The following DSE variants were observed in gnomAD, a reference collection of about 807,000 sequenced individuals.
DSE encodes the protein dermatan sulfate epimerase.
In DSE, 36 loss-of-function variants were observed where a neutral mutation model predicts 84.4. The observed-to-expected ratio is 0.43, with a 90% confidence interval of 0.33 to 0.56. The LOEUF is 0.56. Among genes scored for constraint, DSE ranks in the 20% least tolerant of loss-of-function variants. DSE has a pLI of 0.06. For synonymous variants in DSE, 410 were observed against 430.1 expected (o/e 0.95, Z 0.58); for missense variants, 862 against 1,169.6 (o/e 0.74, Z 3.84).
intron 2 of DSE, among the ~76,000 whole-genome samples, chr6:116,304,182 G>A (rs1301800110): frequency 6.6e-6 from 1 of 151,710 alleles, no homozygotes; most frequent in South Asian, 2.1e-4. Context: ...GGGAAACGAA[G>A]GTCTCCTTAG....
intron 2 of DSE, among the ~76,000 whole-genome samples, chr6:116,261,556 A>C (rs182811857): frequency 1.3e-5 from 2 of 152,220 alleles, no homozygotes; most frequent in Admixed American, 6.5e-5. Context: ...GCAAAGCGGG[A>C]TAGTTTGACT....
intron 1 of DSE, among the ~76,000 whole-genome samples, chr6:116,380,829 A>G (rs757027073): frequency 6.6e-6 from 1 of 152,182 alleles, no homozygotes; most frequent in East Asian, 1.9e-4. Context: ...CACATAACTC[A>G]GTATGCACAT....
intron 2 of DSE, among the ~76,000 whole-genome samples, chr6:116,361,549 AG>A (rs1315406259): frequency 2.0e-5 from 3 of 152,184 alleles, no homozygotes; most frequent in African/African-American, 7.2e-5. Flanking sequence ...CCAGCTGCTC[AG>A]GAGGCTAAGG....
chr6:116,414,522 C>G (rs533627657), intron 2 of DSE, among the ~76,000 whole-genome samples: 1 of 152,146 alleles, frequency 6.6e-6, no homozygotes, highest in Non-Finnish European at 1.5e-5. Context: ...AAGCGATTCT[C>G]CTGCCTCAGC....
At chr6:116,266,375 G>A (rs1443750967) in intron 2 of DSE, among the ~76,000 whole-genome samples, 1 of 152,120 alleles carries the variant, frequency 6.6e-6, no homozygotes, top group Non-Finnish European at 1.5e-5. Context: ...ATATTCTGTT[G>A]ATATCTTCTG....
At chr6:116,292,547 G>A (rs1473239309) in intron 2 of DSE, among the ~76,000 whole-genome samples, 1 of 152,096 alleles carries the variant, frequency 6.6e-6, no homozygotes, top group African/African-American at 2.4e-5. Flanking sequence ...ATAGAAAAGG[G>A]GAAAGACTGG....
intron 2 of DSE, among the ~76,000 whole-genome samples, chr6:116,286,001 C>T (rs561221189): frequency 7.2e-5 from 11 of 152,182 alleles, no homozygotes; most frequent in South Asian, 4.2e-4. Context: ...CTTGGCAATG[C>T]GGGCTCTTTT....
rs1323508812 is a variant in DSE, at chr6:116,442,654, G to C, written c.*5309G>C. 3 of 152,114 alleles carry C rather than the reference G, an allele frequency of 2.0e-5. No individual in the cohort carries two copies. The highest frequency in any genetic ancestry group is 4.4e-5 in the Non-Finnish European group (3 of 68,042). 9.4% of individuals were successfully genotyped at this position (152,114 alleles called of 1,614,324 possible). Reference sequence around the variant, plus strand: ...ATGGAGAATGGGTGAAGATGAAACTGAAAAGGCAAGCAGGGAGGCTATTGT... The same window carrying C: ...ATGGAGAATGGGTGAAGATGAAACTCAAAAGGCAAGCAGGGAGGCTATTGT... On this transcript the variant is annotated 3_prime_UTR_variant, in exon 6 of 6. Coordinates refer to ENST00000644252, the MANE Select transcript of DSE (RefSeq NM_013352.4).
chr6:116,272,979 CTGT>C (rs935959298), intron 2 of DSE, among the ~76,000 whole-genome samples: 26 of 152,322 alleles, frequency 1.7e-4, no homozygotes, highest in African/African-American at 6.0e-4. Flanking sequence ...TCAAATGTTT[CTGT>C]TGTTATCTTC....
At chr6:116,358,928 T>C (rs904939638) in intron 2 of DSE, among the ~76,000 whole-genome samples, 1 of 152,228 alleles carries the variant, frequency 6.6e-6, no homozygotes, top group Non-Finnish European at 1.5e-5. Context: ...TAGAGGTCTA[T>C]ACCCTTAAAC....
At chr6:116,403,813 G>T (rs554757394) in intron 2 of DSE, among the ~76,000 whole-genome samples, 1 of 152,116 alleles carries the variant, frequency 6.6e-6, no homozygotes, top group Non-Finnish European at 1.5e-5. Flanking sequence ...AAGAACCCTC[G>T]CAGCCTTCTC....
chr6:116,367,355 A>G (rs922694030), upstream of DSE: 4 of 152,250 alleles, frequency 2.6e-5, no homozygotes, highest in African/African-American at 7.2e-5. Context: ...GAGGAAGAAA[A>G]ACAAAAAGCA....
upstream of DSE, chr6:116,370,785 G>T (rs1466817271): frequency 7.2e-6 from 7 of 974,632 alleles, no homozygotes; most frequent in African/African-American, 1.2e-4. Flanking sequence ...GTCGGGGTTC[G>T]GCCGGGGGAG....
At chr6:116,353,596 C>T (rs1433466514) in intron 2 of DSE, among the ~76,000 whole-genome samples, 1 of 152,162 alleles carries the variant, frequency 6.6e-6, no homozygotes, top group Non-Finnish European at 1.5e-5. Context: ...CATCCTTATA[C>T]TCTCAAAAGA....
At chr6:116,341,854 T>A (rs952591610) in intron 2 of DSE, among the ~76,000 whole-genome samples, 4 of 152,188 alleles carry the variant, frequency 2.6e-5, no homozygotes, top group African/African-American at 9.6e-5. Context: ...GGTCTATATA[T>A]CTGTTTTGGT....
chr6:116,360,256 T>G (rs1361379907), intron 2 of DSE, among the ~76,000 whole-genome samples: 1 of 152,046 alleles, frequency 6.6e-6, no homozygotes. Context: ...AATACCTAGG[T>G]GATGGGTTGA....
intron 4 of DSE, among the ~76,000 whole-genome samples, chr6:116,432,207 T>C (rs1477534485): frequency 6.6e-6 from 1 of 152,208 alleles, no homozygotes; most frequent in Non-Finnish European, 1.5e-5. Context: ...GAGGTTTCAG[T>C]GCTTTGTAAT....
At chr6:116,393,102 G>A (rs146180045) in intron 1 of DSE, among the ~76,000 whole-genome samples, 3 of 152,160 alleles carry the variant, frequency 2.0e-5, no homozygotes, top group East Asian at 1.9e-4. Flanking sequence ...CTGTTAGATC[G>A]GCAGGCCTTT....
chr6:116,396,036 G>A (rs1781231570), intron 1 of DSE, among the ~76,000 whole-genome samples: 1 of 152,128 alleles, frequency 6.6e-6, no homozygotes, highest in Admixed American at 6.5e-5. Context: ...TTTCCTAGAG[G>A]GACTTTTTTT....
Sources: gnomAD v4.1 joint callset for allele counts (sites outside exome capture counted in the v4.1 genomes callset) on GRCh38, gnomAD v4.1.1 for gene constraint, MANE v1.5 for transcripts, NCBI Gene and HGNC (gene_info 2026-07-23, HGNC 2026-07-21) for gene names.